The following EML4 variants were observed in gnomAD, a reference collection of about 807,000 sequenced individuals.
EML4 encodes echinoderm microtubule-associated protein-like 4.
In EML4, 72 loss-of-function variants were observed where a neutral mutation model predicts 129.0. That is an observed-to-expected ratio of 0.56 (90% CI 0.46 to 0.68). The LOEUF (loss-of-function observed/expected upper bound fraction) is 0.68. Among genes scored for constraint, EML4 ranks in the 30% least tolerant of loss-of-function variants. The pLI is 0.00. For missense variants in EML4, 1,363 were observed against 1,190.6 expected, an observed-to-expected ratio of 1.14 and a Z score of -2.13; for synonymous variants, 532 against 405.0, an observed-to-expected ratio of 1.31 and a Z score of -3.77.
intron 11 of EML4, chr2:42,290,060 C>T (rs918179307): frequency 1.3e-5 from 2 of 152,122 alleles, no homozygotes; most frequent in Non-Finnish European, 2.9e-5. Flanking sequence ...GCACTCCAGC[C>T]TGGGCGACAG....
Position 42,330,362 on chromosome 2 carries a change from C to T in EML4, c.*155C>T, listed in dbSNP as rs1670042812. 2 of 728,792 alleles carry T rather than the reference C, an allele frequency of 2.7e-6. No individual in the cohort carries two copies. The highest frequency in any genetic ancestry group is 4.8e-6 in the Non-Finnish European group (2 of 413,136). 45.1% of individuals were successfully genotyped at this position (728,792 alleles called of 1,614,324 possible). A position where few individuals can be genotyped will look rare whatever the true frequency, so the allele number is the denominator to read the frequency against. On this transcript the variant is annotated 3_prime_UTR_variant, in exon 23 of 23. Coordinates refer to ENST00000318522, the MANE Select transcript of EML4 (RefSeq NM_019063.5). ...TTCAATAGTCTTATTTTCAGTCTCT[C>T]AAATACAGCCAACTTAAAGTTTTAG...
chr2:42,309,464 T>A (rs1349844295), intron 17 of EML4, among the ~76,000 whole-genome samples: 2 of 151,668 alleles, frequency 1.3e-5, no homozygotes, highest in African/African-American at 4.8e-5. Flanking sequence ...TTTTTTTGTT[T>A]AGGAACTACC....
chr2:42,284,141 CTA>C (rs1314101240), intron 8 of EML4, among the ~76,000 whole-genome samples: 2 of 152,290 alleles, frequency 1.3e-5, no homozygotes, highest in Non-Finnish European at 2.9e-5. Context: ...ATTGAAAGCA[CTA>C]TGTGTGAAGA....
At chr2:42,254,478 G>C (rs867245148) in intron 2 of EML4, among the ~76,000 whole-genome samples, 1 of 149,992 alleles carries the variant, frequency 6.7e-6, no homozygotes, top group Non-Finnish European at 1.5e-5. Flanking sequence ...AAAAGACTAA[G>C]AAAGAAGAAA....
chr2:42,216,428 A>T (rs1673196383), intron 1 of EML4, among the ~76,000 whole-genome samples: 1 of 150,964 alleles, frequency 6.6e-6, no homozygotes, highest in African/African-American at 2.4e-5. Context: ...TTTTTAGTAG[A>T]GACGGGGTTT....
rs113938856 is a variant in EML4 at position 42,244,254 on chromosome 2, A to G, written c.26-1251A>G. Among the ~76,000 whole-genome samples, 1,269 of 152,012 alleles carry G rather than the reference A, an allele frequency of 8.3e-3. 13 individuals carry two copies. Among genetic ancestry groups the G allele is most frequent in the African/African-American group, 0.025 (1,018 of 41,470 alleles). ...GCTGGGACTACAGGCACACGCCACCAAGCCCGGCTAATTTTTTGTATTTTA... is the reference window on the plus strand; with the variant it reads ...GCTGGGACTACAGGCACACGCCACCGAGCCCGGCTAATTTTTTGTATTTTA... On this transcript the variant is annotated intron_variant, in intron 1 of 22. Coordinates refer to ENST00000318522, the MANE Select transcript of EML4 (RefSeq NM_019063.5).
At chr2:42,218,231 G>C (rs898527450) in intron 1 of EML4, among the ~76,000 whole-genome samples, 1 of 151,906 alleles carries the variant, frequency 6.6e-6, no homozygotes, top group African/African-American at 2.4e-5. Context: ...AAGGGATCTC[G>C]GTTGCTCACT....
chr2:42,201,241 A>G (rs527708179), intron 1 of EML4, among the ~76,000 whole-genome samples: 2 of 152,336 alleles, frequency 1.3e-5, no homozygotes, highest in African/African-American at 4.8e-5. Flanking sequence ...ATCACTCTGT[A>G]TCAGAATCTG....
chr2:42,190,175 G>C (rs1004541129), intron 1 of EML4, among the ~76,000 whole-genome samples: 5 of 152,162 alleles, frequency 3.3e-5, no homozygotes, highest in African/African-American at 1.2e-4. Context: ...TTAAGCTTTA[G>C]ACTATTTGAG....
intron 1 of EML4, among the ~76,000 whole-genome samples, chr2:42,186,963 C>G (rs549066892): frequency 9.3e-5 from 14 of 150,968 alleles, no homozygotes; most frequent in Admixed American, 2.7e-4. Context: ...AGCCCCTTCC[C>G]TCTACATAGA....
intron 1 of EML4, among the ~76,000 whole-genome samples, chr2:42,217,076 G>A (rs1023748426): frequency 3.3e-5 from 5 of 152,078 alleles, no homozygotes; most frequent in African/African-American, 1.2e-4. Flanking sequence ...CCAATATTCT[G>A]ACAGTCAATA....
At chr2:42,198,198 G>C (rs1332250802) in intron 1 of EML4, among the ~76,000 whole-genome samples, 1 of 152,170 alleles carries the variant, frequency 6.6e-6, no homozygotes, top group Non-Finnish European at 1.5e-5. Context: ...GATAGAGGGA[G>C]TCTGACTTAA....
chr2:42,329,375 T>A (rs1262359733), intron 22 of EML4, among the ~76,000 whole-genome samples: 1 of 152,248 alleles, frequency 6.6e-6, no homozygotes, highest in Non-Finnish European at 1.5e-5. Context: ...GTTTCCCGAA[T>A]GTCCTGTAAT....
chr2:42,261,497 G>GAAA (rs10573221), intron 4 of EML4: 49 of 219,770 alleles, frequency 2.2e-4, no homozygotes, highest in Non-Finnish European at 3.2e-4. Context: ...GTTAAAACTG[G>GAAA]AAAAAAAAAA....
rs756436174 is a variant in EML4 at position 42,288,303 on chromosome 2, C to G, written c.1199C>G (p.Ala400Gly). The change falls in exon 11 of 23, where the codon GCA (alanine) becomes GGA (glycine). Residue 400 changes from alanine to glycine, a missense_variant. Physicochemically the swap from Ala to Gly is moderately conservative, Grantham distance 60. Transcript: ENST00000318522. ...MLTVWDWQKK[A>G]KGAEIKTTNE... The stretch of plus-strand genomic sequence containing the variant: ...ACTGTATGGGACTGGCAGAAGAAAG[C>G]AAAAGGAGCAGAAATAAAGGTAAAT... 6.4e-7 allele frequency: 1 copy of G among 1,552,888 alleles called. No homozygotes were observed. Among genetic ancestry groups the G allele is most frequent in the Admixed American group, 1.7e-5 (1 of 57,918 alleles).
At chr2:42,223,253 T>C (rs900524197) in intron 1 of EML4, among the ~76,000 whole-genome samples, 1 of 152,178 alleles carries the variant, frequency 6.6e-6, no homozygotes, top group African/African-American at 2.4e-5. Context: ...GTATTTTTCA[T>C]TTTTGTAGTG....
At chr2:42,325,968 AAC>A (rs1669790717) in intron 20 of EML4, 184 bp from the exon 21 acceptor site, 2 of 475,142 alleles carry the variant, frequency 4.2e-6, no homozygotes, top group Non-Finnish European at 5.5e-6. Context: ...TTCCATGGGA[AAC>A]AGTTTGTAGT....
intron 1 of EML4, among the ~76,000 whole-genome samples, chr2:42,172,211 C>A (rs553362043): frequency 5.3e-5 from 8 of 152,070 alleles, no homozygotes; most frequent in African/African-American, 1.9e-4. Context: ...TTTTTATAAG[C>A]AGAAAAATTG....
chr2:42,232,957 C>G (rs1347279285), intron 1 of EML4, among the ~76,000 whole-genome samples: 1 of 152,160 alleles, frequency 6.6e-6, no homozygotes, highest in Non-Finnish European at 1.5e-5. Flanking sequence ...CATCTGACCT[C>G]GTGATCCCCC....
Sources: allele counts gnomAD v4.1 joint callset (sites outside exome capture counted in the v4.1 genomes callset), GRCh38; gene constraint gnomAD v4.1.1; transcripts MANE v1.5; gene names NCBI Gene and HGNC (gene_info 2026-07-23, HGNC 2026-07-21).